The following SLFN12L variants were observed in gnomAD, a reference collection of about 807,000 sequenced individuals.
SLFN12L encodes schlafen family member 12-like.
In SLFN12L, 34 loss-of-function variants were observed where a neutral mutation model predicts 34.8. That is an observed-to-expected ratio of 0.98 (90% confidence interval 0.74 to 1.30). The LOEUF (loss-of-function observed/expected upper bound fraction) is 1.30. Ranked by LOEUF, SLFN12L falls within the 50% of genes most tolerant of loss-of-function variation. The probability of loss-of-function intolerance (pLI) is 0.00; values close to 1 mark genes in which losing one functional copy is unlikely to be tolerated. For missense variants in SLFN12L, 703 were observed against 696.2 expected, an observed-to-expected ratio of 1.01 and a Z score of -0.11; for synonymous variants, 259 against 247.5, an observed-to-expected ratio of 1.05 and a Z score of -0.44.
In SLFN12L at chr17:35,474,995, T is replaced by A; in HGVS notation, c.1767A>T (p.Gln589His). The change falls in exon 5 of 5, where the codon CAA (glutamine) becomes CAT (histidine). Residue 589 changes from glutamine (Q) to histidine (H), a missense_variant. Gln to His is a conservative substitution (Grantham distance 24). Transcript: ENST00000628453. ...GAAACAAACAAACAAACAAAAAGAT[T>A]TGATTCTCCTTAGGTAAGATATTTG... Reference protein sequence around the residue: ...ALSNILPKENQIFLFVCLFRF... With the variant: ...ALSNILPKENHIFLFVCLFRF... 1 of 1,568,774 alleles carries A rather than the reference T, an allele frequency of 6.4e-7. No individual in the cohort carries two copies. The highest frequency in any genetic ancestry group is 8.7e-7 in the Non-Finnish European group (1 of 1,155,230).
intron 2 of SLFN12L, among the ~76,000 whole-genome samples, chr17:35,512,359 ATTTTTTTTTTT>A (rs35126425): frequency 5.6e-5 from 3 of 53,868 alleles, no homozygotes; most frequent in East Asian, 1.4e-3. Context: ...AAAAGAGCTG[ATTTTTTTTTTT>A]TTTTTTTTTT....
intron 1 of SLFN12L, among the ~76,000 whole-genome samples, chr17:35,533,801 C>A (rs1457734730): frequency 6.6e-6 from 1 of 152,174 alleles, no homozygotes; most frequent in Non-Finnish European, 1.5e-5. Flanking sequence ...GGGAAGCTGG[C>A]CAGACACCAT....
chr17:35,480,595 A>C (rs1191050974), intron 2 of SLFN12L: 4 of 157,430 alleles, frequency 2.5e-5, no homozygotes, highest in African/African-American at 9.6e-5. Flanking sequence ...TTTTTATTTT[A>C]ATAATTTTAG....
In SLFN12L at chr17:35,522,884, A is replaced by G; in HGVS notation, c.-520T>C. On this transcript the variant is annotated 5_prime_UTR_variant, in exon 2 of 5. Transcript: ENST00000628453. ...CCCAGGAGAAAGGTTGGGTTTGCTT[A>G]TTTATTAACTCCTCTAATCCTTCAT... 2 of 785,856 alleles carry G rather than the reference A, an allele frequency of 2.5e-6. No individual in the cohort carries two copies. The highest frequency in any genetic ancestry group is 4.3e-6 in the Non-Finnish European group (2 of 469,112). The allele number at this position is 785,856 out of a possible 1,614,324, so 48.7% of individuals were successfully genotyped here.
intron 2 of SLFN12L, chr17:35,500,519 G>A (rs1247349896): frequency 2.0e-5 from 3 of 152,466 alleles, no homozygotes; most frequent in African/African-American, 7.2e-5. Flanking sequence ...CATGAGGTCA[G>A]GAGATCTAGA....
chr17:35,537,333 C>T (rs1431610641), intron 1 of SLFN12L, among the ~76,000 whole-genome samples: 1 of 152,180 alleles, frequency 6.6e-6, no homozygotes, highest in Non-Finnish European at 1.5e-5. Flanking sequence ...ACATCCCTGG[C>T]CTCAGCTACA....
intron 2 of SLFN12L, among the ~76,000 whole-genome samples, chr17:35,513,447 T>C (rs1301528256): frequency 6.6e-6 from 1 of 152,180 alleles, no homozygotes; most frequent in African/African-American, 2.4e-5. Flanking sequence ...ATAGGAAAAG[T>C]CTTTGGGATC....
At chr17:35,531,711 G>T (rs1311123328) in intron 1 of SLFN12L, among the ~76,000 whole-genome samples, 6 of 152,092 alleles carry the variant, frequency 3.9e-5, no homozygotes, top group African/African-American at 1.2e-4. Flanking sequence ...CCATCTCGCA[G>T]GTTCAAGTGA....
At chr17:35,478,042 C>A (rs372226957) in intron 4 of SLFN12L, 33 bp downstream of exon 4, 28 of 1,386,308 alleles carry the variant, frequency 2.0e-5, no homozygotes, top group Non-Finnish European at 2.6e-5. Flanking sequence ...CACAGTTACA[C>A]CAACAACTCC....
chr17:35,478,403 G>A (rs1008292362), intron 3 of SLFN12L: 13 of 321,436 alleles, frequency 4.0e-5, no homozygotes, highest in African/African-American at 2.9e-4. Context: ...CTCTATACTT[G>A]GAAGGAAAAT....
At chr17:35,496,481 C>A (rs1023770369) in intron 2 of SLFN12L, among the ~76,000 whole-genome samples, 8 of 151,096 alleles carry the variant, frequency 5.3e-5, no homozygotes, top group African/African-American at 1.9e-4. Flanking sequence ...TTCCCTCCCT[C>A]CCTACCCTTC....
intron 2 of SLFN12L, among the ~76,000 whole-genome samples, chr17:35,505,497 C>T (rs143145985): frequency 6.6e-6 from 1 of 152,316 alleles, no homozygotes; most frequent in East Asian, 1.9e-4. Context: ...TTCATGAATA[C>T]ATCATTGGCT....
At position 35,465,102 on chromosome 17, in the gene SLFN12L, A is replaced by G. The variant is rs932796498; in HGVS notation, c.*9821T>C. Among the ~76,000 whole-genome samples, 2 of 151,906 alleles carry G rather than the reference A, an allele frequency of 1.3e-5. No individual in the cohort carries two copies. The highest frequency in any genetic ancestry group is 4.8e-5 in the African/African-American group (2 of 41,342). ...TATATGTTCGCCAGGCTGGTCTCGA[A>G]CTCCTGGCCTCAAGTGATCCGCCTG... On this transcript the variant is annotated 3_prime_UTR_variant, in exon 5 of 5. Coordinates refer to ENST00000628453, the MANE Select transcript of SLFN12L (RefSeq NM_001363830.2).
intron 2 of SLFN12L, among the ~76,000 whole-genome samples, chr17:35,503,174 C>G (rs771549733): frequency 6.6e-6 from 1 of 152,038 alleles, no homozygotes; most frequent in Non-Finnish European, 1.5e-5. Context: ...GACTTTTTAC[C>G]TACATTAAAG....
chr17:35,531,189 T>C (rs1284213621), intron 1 of SLFN12L, among the ~76,000 whole-genome samples: 1 of 152,258 alleles, frequency 6.6e-6, no homozygotes, highest in Non-Finnish European at 1.5e-5. Flanking sequence ...TTAAAAGTTT[T>C]GTTTTTCCTT....
rs1597887064 is a variant in SLFN12L, at chr17:35,530,493, AAAGAAAGAAAGAAAG to A, written c.-606+7065_-606+7079del. 2.5e-4 allele frequency among the ~76,000 whole-genome samples: 11 copies of A among 43,386 alleles called. No homozygotes were observed. In the East Asian group the frequency reaches 4.1e-3, roughly 16 times the overall value. 28.5% of individuals were successfully genotyped at this position (43,386 alleles called of 152,430 possible). On this transcript the variant is annotated intron_variant, in intron 1 of 4. Transcript: ENST00000628453. ...GAAAGAAAGAAAGAAAGAAAGAAAG[AAAGAAAGAAAGAAAG>A]AAAGAAAAGAAAAGAAAAGAAAAGA...
At chr17:35,527,326 T>C (rs1187646576) in intron 1 of SLFN12L, among the ~76,000 whole-genome samples, 1 of 151,828 alleles carries the variant, frequency 6.6e-6, no homozygotes, top group Non-Finnish European at 1.5e-5. Flanking sequence ...TTCTAAACAA[T>C]AGAAAAAGAG....
In SLFN12L at chr17:35,475,120, T is replaced by G; in HGVS notation, c.1642A>C (p.Lys548Gln). Residue 548 changes from lysine (K) to glutamine (Q), a missense_variant, in exon 5 of 5, where the codon AAG (lysine) becomes CAG (glutamine). Physicochemically the swap from Lys to Gln is moderately conservative, Grantham distance 53 (BLOSUM62 1). Coordinates refer to ENST00000628453, the MANE Select transcript of SLFN12L (RefSeq NM_001363830.2). ...TKIFYLSPEG[K>Q]TSCQYDLNSQ... ...TTTAAATCATACTGGCAGCTTGTCTTGCCTTCAGGGCTCAAGTAGAAGATC... is the reference window on the plus strand; with the variant it reads ...TTTAAATCATACTGGCAGCTTGTCTGGCCTTCAGGGCTCAAGTAGAAGATC... 1 of 1,614,250 alleles carries G rather than the reference T, an allele frequency of 6.2e-7. No individual in the cohort carries two copies. Among genetic ancestry groups the G allele is most frequent in the Non-Finnish European group, 8.5e-7 (1 of 1,180,046 alleles).
Position 35,468,919 on chromosome 17 carries a change from G to A in SLFN12L, c.*6004C>T, listed in dbSNP as rs1200998883. Reference sequence around the variant, plus strand: ...TAGTCCCAGCTACTCAAGAGTCTGAGGCAGGAGAATCTCTTGATGTCGGGA... The same window carrying A: ...TAGTCCCAGCTACTCAAGAGTCTGAAGCAGGAGAATCTCTTGATGTCGGGA... On this transcript the variant is annotated 3_prime_UTR_variant, in exon 5 of 5. Coordinates refer to ENST00000628453, the MANE Select transcript of SLFN12L (RefSeq NM_001363830.2). 6.6e-6 allele frequency among the ~76,000 whole-genome samples: 1 copy of A among 152,112 alleles called. No homozygotes were observed. Among genetic ancestry groups the A allele is most frequent in the Non-Finnish European group, 1.5e-5 (1 of 68,030 alleles).
Sources: gnomAD v4.1 joint callset for allele counts (sites outside exome capture counted in the v4.1 genomes callset) on GRCh38, gnomAD v4.1.1 for gene constraint, MANE v1.5 for transcripts, NCBI Gene and HGNC (gene_info 2026-07-23, HGNC 2026-07-21) for gene names.